Variants in PCCA observed in about 807,000 individuals in gnomAD.
The protein encoded by PCCA is propionyl-CoA carboxylase alpha chain, mitochondrial.
PCCA carries 74 observed loss-of-function variants against 101.3 expected under a neutral mutation model. The observed-to-expected ratio is 0.73, with a 90% CI of 0.61 to 0.89. The LOEUF (loss-of-function observed/expected upper bound fraction) is 0.89, where lower values mean the gene tolerates loss of function less well. Among genes scored for constraint, PCCA ranks in the 40% least tolerant of loss-of-function variants. The probability of loss-of-function intolerance (pLI) is 0.00; values close to 1 mark genes in which losing one functional copy is unlikely to be tolerated. For missense variants in PCCA, 891 were observed against 907.0 expected, an observed-to-expected ratio of 0.98 and a Z score of 0.23; for synonymous variants, 294 against 313.6, an observed-to-expected ratio of 0.94 and a Z score of 0.66.
chr13:100,220,463 C>A (rs1280029074), intron 7 of PCCA, among the ~76,000 whole-genome samples: 1 of 144,152 alleles, frequency 6.9e-6, no homozygotes. Context: ...CTAGTAGAGA[C>A]TGGGTTTCAC....
intron 19 of PCCA, among the ~76,000 whole-genome samples, chr13:100,424,796 T>C (rs551539445): frequency 1.2e-4 from 19 of 152,334 alleles, no homozygotes; most frequent in Non-Finnish European, 1.6e-4. Context: ...TATATCATAG[T>C]TCTGCTGCAG....
chr13:100,267,650 T>C (rs1310134533), intron 10 of PCCA, among the ~76,000 whole-genome samples: 4 of 152,180 alleles, frequency 2.6e-5, no homozygotes, highest in Non-Finnish European at 5.9e-5. Context: ...TTCAGAAATA[T>C]AAATCAACAC....
intron 7 of PCCA, among the ~76,000 whole-genome samples, chr13:100,233,577 A>G (rs2060615292): frequency 6.6e-6 from 1 of 152,200 alleles, no homozygotes. Flanking sequence ...AGAGCCTGAT[A>G]ATAAAACTTC....
chr13:100,393,576 G>A (rs572019891), intron 19 of PCCA, among the ~76,000 whole-genome samples: 2 of 152,014 alleles, frequency 1.3e-5, no homozygotes, highest in South Asian at 4.2e-4. Context: ...CCGCCACCGT[G>A]CCTGGCTAAT....
chr13:100,314,401 G>A (rs1045330706), intron 16 of PCCA, among the ~76,000 whole-genome samples: 2 of 152,018 alleles, frequency 1.3e-5, no homozygotes, highest in African/African-American at 4.8e-5. Flanking sequence ...GACTAGGTAG[G>A]CATGATTGAT....
intron 19 of PCCA, among the ~76,000 whole-genome samples, chr13:100,402,564 T>A (rs998590719): frequency 1.3e-5 from 2 of 152,218 alleles, no homozygotes; most frequent in African/African-American, 4.8e-5. Flanking sequence ...ATGCCCACCC[T>A]CACGAACTTC....
intron 6 of PCCA, among the ~76,000 whole-genome samples, chr13:100,169,535 T>C (rs1319373159): frequency 6.6e-6 from 1 of 151,916 alleles, no homozygotes; most frequent in Non-Finnish European, 1.5e-5. Flanking sequence ...TTTATTTTAT[T>C]ATTATTTTTT....
At position 100,327,587 on chromosome 13, in the gene PCCA, C is replaced by T. The variant is rs370373716; in HGVS notation, c.1430-2974C>T. ...TGTTTTTATTTAACTTGACTTAATA[C>T]GTAGGAGTGAGTTGTCTGAATCAGT... On this transcript the variant is annotated intron_variant, in intron 16 of 23. Transcript: ENST00000376285. 4.1e-4 allele frequency among the ~76,000 whole-genome samples: 62 copies of T among 152,258 alleles called. 2 individuals carry two copies. In the South Asian group the frequency reaches 7.3e-3, roughly 18 times the overall value.
Position 100,234,700 on chromosome 13 carries a change from G to A in PCCA, c.601-1142G>A, listed in dbSNP as rs139468833. The stretch of plus-strand genomic sequence containing the variant: ...GAACCAGTTATAAACATCCCCCCCC[G>A]CCCCCTTCTCGGAGGATTCTGACAT... On this transcript the variant is annotated intron_variant, in intron 7 of 23. Coordinates refer to ENST00000376285, the MANE Select transcript of PCCA (RefSeq NM_000282.4). Among the ~76,000 whole-genome samples the A allele has an allele frequency of 1.2e-4, 18 of 148,392 alleles. No homozygotes were observed. The East Asian group carries it at 3.0e-3, about 25-fold the overall frequency.
At chr13:100,280,798 T>A (rs2064044180) in intron 12 of PCCA, among the ~76,000 whole-genome samples, 1 of 152,110 alleles carries the variant, frequency 6.6e-6, no homozygotes, top group Admixed American at 6.6e-5. Flanking sequence ...CTATCCTGAG[T>A]AGTGTGATGA....
chr13:100,451,745 C>CT (rs2081265985), intron 21 of PCCA, among the ~76,000 whole-genome samples: 2 of 104,190 alleles, frequency 1.9e-5, no homozygotes, highest in African/African-American at 8.2e-5. Flanking sequence ...TCTCTTCTCT[C>CT]CTTCCTCTCC....
intron 19 of PCCA, among the ~76,000 whole-genome samples, chr13:100,398,347 C>T (rs1004795149): frequency 2.0e-5 from 3 of 152,174 alleles, no homozygotes; most frequent in Non-Finnish European, 4.4e-5. Context: ...GAGAACGTTA[C>T]CTCAGTGGGA....
intron 19 of PCCA, among the ~76,000 whole-genome samples, chr13:100,412,247 ACT>A (rs2078099008): frequency 6.6e-6 from 1 of 152,144 alleles, no homozygotes; most frequent in South Asian, 2.1e-4. Context: ...TAGTTCACAG[ACT>A]CTGTTCACAT....
At chr13:100,282,669 A>T (rs1271882268) in intron 12 of PCCA, among the ~76,000 whole-genome samples, 2 of 152,220 alleles carry the variant, frequency 1.3e-5, no homozygotes, top group Admixed American at 1.3e-4. Context: ...ATGGGGAAAA[A>T]TGGCCACCTG....
Position 100,257,896 on chromosome 13 carries a change from A to G in PCCA, c.716+223A>G, listed in dbSNP as rs1420784689. ...TAGAAAGGGTTTTACTGTTTTAAAC[A>G]TTAACAAAGGATTTTCTTTTTGTTT... is the stretch of plus-strand genomic sequence containing the variant. On this transcript the variant is annotated intron_variant, in intron 9 of 23. Transcript: ENST00000376285. Among the ~76,000 whole-genome samples the G allele has an allele frequency of 3.3e-5, 5 of 152,200 alleles. No individual in the cohort carries two copies. In the East Asian group the frequency reaches 9.6e-4, roughly 29 times the overall value.
At position 100,102,905 on chromosome 13, in the gene PCCA, A is replaced by G. The variant is rs2047400513; in HGVS notation, c.128A>G (p.Gln43Arg). The G allele has an allele frequency of 1.1e-5, 18 of 1,612,216 alleles. No individual in the cohort carries two copies. The highest frequency in any genetic ancestry group is 1.5e-5 in the Non-Finnish European group (18 of 1,178,284). Residue 43 changes from glutamine (Q) to arginine (R), a missense_variant, in exon 2 of 24, where the codon CAG becomes CGG. Coordinates refer to ENST00000376285, the MANE Select transcript of PCCA (RefSeq NM_000282.4). ...TAGCATGTTCTGTACTATTCAAGAC[A>G]GTGCTTAATGGTGTCCCGTAATCTT... ...TLKHVLYYSR[Q>R]CLMVSRNLGS...
At chr13:100,239,922 C>G (rs1201204143) in intron 8 of PCCA, among the ~76,000 whole-genome samples, 2 of 152,084 alleles carry the variant, frequency 1.3e-5, no homozygotes, top group Non-Finnish European at 2.9e-5. Flanking sequence ...CCCTTTCAGT[C>G]AGGCCAAAAC....
intron 4 of PCCA, among the ~76,000 whole-genome samples, chr13:100,129,313 G>A (rs966759751): frequency 6.6e-6 from 1 of 152,124 alleles, no homozygotes; most frequent in African/African-American, 2.4e-5. Flanking sequence ...TTCATCTGGG[G>A]CAGTTTATCT....
At chr13:100,193,507 G>A (rs535561178) in intron 6 of PCCA, among the ~76,000 whole-genome samples, 2 of 152,150 alleles carry the variant, frequency 1.3e-5, no homozygotes, top group South Asian at 4.1e-4. Context: ...TAGTAATAAA[G>A]TGAGACTTAA....
Sources: gnomAD v4.1 joint callset for allele counts (sites outside exome capture counted in the v4.1 genomes callset) on GRCh38, gnomAD v4.1.1 for gene constraint, MANE v1.5 for transcripts, NCBI Gene and HGNC (gene_info 2026-07-23, HGNC 2026-07-21) for gene names.